The following PDE3A variants were observed in gnomAD, a reference collection of about 807,000 sequenced individuals.
PDE3A encodes the protein phosphodiesterase 3A.
In PDE3A, 43 loss-of-function variants were observed where a neutral mutation model predicts 98.3. The observed-to-expected ratio is 0.44, with a 90% CI of 0.34 to 0.56. PDE3A has a LOEUF of 0.56. Ranked by LOEUF, PDE3A falls within the 20% of genes least tolerant of loss-of-function variation. The probability of loss-of-function intolerance (pLI) is 0.01; values close to 1 mark genes in which losing one functional copy is unlikely to be tolerated. For missense variants in PDE3A, 1,427 were observed against 1,440.7 expected (o/e 0.99, Z 0.15); for synonymous variants, 663 against 567.9 (o/e 1.17, Z -2.38).
chr12:20,521,030 G>A (rs1336295555), intron 1 of PDE3A, among the ~76,000 whole-genome samples: 1 of 152,116 alleles, frequency 6.6e-6, no homozygotes, highest in Non-Finnish European at 1.5e-5. Context: ...GGCTTCTCCT[G>A]TGGATGTAAA....
intron 2 of PDE3A, among the ~76,000 whole-genome samples, chr12:20,577,878 A>T (rs1039626959): frequency 3.3e-5 from 5 of 152,202 alleles, no homozygotes; most frequent in Non-Finnish European, 5.9e-5. Context: ...TGTTGAAAAT[A>T]TAAAGACAAT....
At chr12:20,372,107 G>T (rs1943486783) in intron 1 of PDE3A, among the ~76,000 whole-genome samples, 1 of 152,122 alleles carries the variant, frequency 6.6e-6, no homozygotes, top group Non-Finnish European at 1.5e-5. Context: ...AAATTAACCA[G>T]CAGCATTCAT....
chr12:20,565,144 G>A (rs1301488480), intron 2 of PDE3A, among the ~76,000 whole-genome samples: 1 of 152,024 alleles, frequency 6.6e-6, no homozygotes, highest in Non-Finnish European at 1.5e-5. Context: ...TACACATTAA[G>A]AAAATTAATG....
intron 15 of PDE3A, among the ~76,000 whole-genome samples, chr12:20,669,935 G>A (rs569563836): frequency 1.2e-4 from 19 of 152,018 alleles, no homozygotes; most frequent in Non-Finnish European, 2.2e-4. Flanking sequence ...ACCAATCAGT[G>A]TGCTGTATTC....
chr12:20,434,510 C>T (rs1167939681), intron 1 of PDE3A, among the ~76,000 whole-genome samples: 2 of 152,102 alleles, frequency 1.3e-5, no homozygotes, highest in Non-Finnish European at 2.9e-5. Context: ...GGATCAGGAC[C>T]AGGCAGGTGT....
chr12:20,584,275 A>T lies in PDE3A; in HGVS notation c.1011+27565A>T, dbSNP rs573161423. Among the ~76,000 whole-genome samples, 3 of 152,346 alleles carry T rather than the reference A, an allele frequency of 2.0e-5. No individual in the cohort carries two copies. In the South Asian group the frequency reaches 6.2e-4, roughly 32 times the overall value. The stretch of plus-strand genomic sequence containing the variant: ...TGAAACTTTGTCAACTCAAAAATAC[A>T]TAATAGGTTTGTCAGAAAATTACAG... On this transcript the variant is annotated intron_variant, in intron 2 of 15. Coordinates refer to ENST00000359062, the MANE Select transcript of PDE3A (RefSeq NM_000921.5).
Position 20,369,643 on chromosome 12 carries a change from C to G in PDE3A, c.359C>G (p.Pro120Arg). 6.3e-7 allele frequency: 1 copy of G among 1,597,156 alleles called. No individual in the cohort carries two copies. The highest frequency in any genetic ancestry group is 8.5e-7 in the Non-Finnish European group (1 of 1,172,586). ...GVFPGPRGGAPGGGARLSPWL... is the reference protein window; with the variant it reads ...GVFPGPRGGARGGGARLSPWL... ...TTCCCGGGGCCTCGGGGAGGTGCTC[C>G]CGGGGGCGGTGCGCGGCTCAGCCCC... The change falls in exon 1 of 16, where the codon CCC becomes CGC. Residue 120 changes from proline to arginine, a missense_variant. Pro to Arg is a moderately radical substitution (Grantham distance 103, BLOSUM62 -2). Coordinates refer to ENST00000359062, the MANE Select transcript of PDE3A (RefSeq NM_000921.5).
intron 12 of PDE3A, among the ~76,000 whole-genome samples, chr12:20,648,294 T>C (rs1944823743): frequency 6.7e-6 from 1 of 150,022 alleles, no homozygotes; most frequent in Non-Finnish European, 1.5e-5. Flanking sequence ...TATTTATATT[T>C]ACATATATAT....
At chr12:20,658,811 T>A (rs188064950) in intron 15 of PDE3A, among the ~76,000 whole-genome samples, 321 of 152,290 alleles carry the variant, frequency 2.1e-3, no homozygotes, top group African/African-American at 7.2e-3. Flanking sequence ...AATTAGAGGC[T>A]GGGAGAAGAT....
intron 1 of PDE3A, among the ~76,000 whole-genome samples, chr12:20,372,166 G>A (rs1943487580): frequency 6.6e-6 from 1 of 152,128 alleles, no homozygotes; most frequent in African/African-American, 2.4e-5. Flanking sequence ...TTGATAAATG[G>A]AGAATTTGAA....
At chr12:20,610,088 C>A (rs1431483011) in intron 2 of PDE3A, among the ~76,000 whole-genome samples, 1 of 146,014 alleles carries the variant, frequency 6.8e-6, no homozygotes, top group Non-Finnish European at 1.5e-5. Context: ...GGAAGGGAAA[C>A]AATCAACAAA....
At chr12:20,568,366 A>G (rs887776657) in intron 2 of PDE3A, among the ~76,000 whole-genome samples, 1 of 152,040 alleles carries the variant, frequency 6.6e-6, no homozygotes, top group African/African-American at 2.4e-5. Context: ...TTAATTAGGA[A>G]AAATAGGGAT....
chr12:20,678,780 T>C (rs11045385), intron 15 of PDE3A, among the ~76,000 whole-genome samples: 78,784 of 152,018 alleles, frequency 0.52, 21,311 homozygotes, highest in East Asian at 0.72. Context: ...AGGGGAGGAC[T>C]CAGGCCCGAC....
At chr12:20,386,111 AAATATATAT>A (rs1565532545) in intron 1 of PDE3A, among the ~76,000 whole-genome samples, 6 of 30,460 alleles carry the variant, frequency 2.0e-4, no homozygotes, top group Non-Finnish European at 3.7e-4. Flanking sequence ...ATATATATAT[AAATATATAT>A]AAATATATAT....
chr12:20,397,075 G>T (rs1379236471), intron 1 of PDE3A, among the ~76,000 whole-genome samples: 2 of 151,960 alleles, frequency 1.3e-5, no homozygotes, highest in Non-Finnish European at 2.9e-5. Context: ...TTATAAAGAT[G>T]CTAATAATAA....
intron 1 of PDE3A, among the ~76,000 whole-genome samples, chr12:20,469,734 CAT>C (rs1555149585): frequency 1.3e-5 from 2 of 152,040 alleles, no homozygotes; most frequent in Non-Finnish European, 1.5e-5. Flanking sequence ...TTAGGTACAA[CAT>C]ATATTTTTGA....
intron 5 of PDE3A, among the ~76,000 whole-genome samples, chr12:20,628,804 T>A (rs1036214818): frequency 6.6e-6 from 1 of 152,022 alleles, no homozygotes; most frequent in African/African-American, 2.4e-5. Context: ...ACACACAAAA[T>A]CGTTCAACAA....
At chr12:20,615,016 CTTTTTTTT>C (rs11313010) in intron 3 of PDE3A, among the ~76,000 whole-genome samples, 23 of 59,108 alleles carry the variant, frequency 3.9e-4, no homozygotes, top group South Asian at 1.6e-3. Context: ...TTCTCTCTTT[CTTTTTTTT>C]TTTTTTTTTT....
At chr12:20,556,994 C>A (rs1051928568) in intron 2 of PDE3A, 16 of 371,908 alleles carry the variant, frequency 4.3e-5, no homozygotes, top group Non-Finnish European at 6.7e-5. Flanking sequence ...TTTTGATCAG[C>A]AACCCACTCT....
Sources: gnomAD v4.1 joint callset for allele counts (sites outside exome capture counted in the v4.1 genomes callset) on GRCh38, gnomAD v4.1.1 for gene constraint, MANE v1.5 for transcripts, NCBI Gene and HGNC (gene_info 2026-07-23, HGNC 2026-07-21) for gene names.